SLCO1B1: variants seen among roughly 807,000 people sequenced by gnomAD.
SLCO1B1 encodes solute carrier organic anion transporter family member 1B1.
Under a neutral mutation model 70.1 loss-of-function variants are expected in SLCO1B1, and 81 were observed. The observed-to-expected ratio is 1.16, with a 90% CI of 0.97 to 1.39. SLCO1B1 has a LOEUF of 1.39. Among genes scored for constraint, SLCO1B1 ranks in the 40% most tolerant of loss-of-function variants. The pLI is 0.00. For missense variants in SLCO1B1, 895 were observed against 799.6 expected (o/e 1.12, Z -1.44); for synonymous variants, 283 against 271.5 (o/e 1.04, Z -0.42).
In SLCO1B1 at chr12:21,202,695, ATATCAC is replaced by A; in HGVS notation, c.1331+13_1331+18del. ...ACCATGACCTATGATGGGTTTGTAT[ATATCAC>A]TATATCAATTGCATAATATGTTAAC... On this transcript the variant is annotated intron_variant, in intron 10 of 14. Transcript: ENST00000256958. The A allele has an allele frequency of 6.3e-7, 1 of 1,586,502 alleles. No homozygotes were observed. Among genetic ancestry groups the A allele is most frequent in the Non-Finnish European group, 8.6e-7 (1 of 1,157,116 alleles).
At chr12:21,227,232 A>ATTCATTT (rs1468098881) in intron 14 of SLCO1B1, among the ~76,000 whole-genome samples, 2,505 of 152,232 alleles carry the variant, frequency 0.016, 66 homozygotes, top group African/African-American at 0.057. Flanking sequence ...AAATAGTTCT[A>ATTCATTT]CCTGCAGGAA....
At chr12:21,145,402 C>T (rs1940367361) in intron 2 of SLCO1B1, among the ~76,000 whole-genome samples, 1 of 150,756 alleles carries the variant, frequency 6.6e-6, no homozygotes, top group Admixed American at 6.7e-5. Flanking sequence ...ACCTCCCAGG[C>T]TCAAGTGATT....
At chr12:21,177,667 T>C (rs1940839225) in intron 5 of SLCO1B1, among the ~76,000 whole-genome samples, 1 of 152,114 alleles carries the variant, frequency 6.6e-6, no homozygotes, top group Non-Finnish European at 1.5e-5. Context: ...AGTCTGAAAT[T>C]CTGCTATTAT....
intron 14 of SLCO1B1, among the ~76,000 whole-genome samples, chr12:21,229,515 T>TG (rs1428499938): frequency 6.6e-6 from 1 of 152,206 alleles, no homozygotes; most frequent in African/African-American, 2.4e-5. Context: ...CTTAATCACA[T>TG]GCATTTAAAT....
chr12:21,196,458 G>A (rs1941092869), intron 7 of SLCO1B1, among the ~76,000 whole-genome samples: 1 of 152,124 alleles, frequency 6.6e-6, no homozygotes, highest in Admixed American at 6.6e-5. Flanking sequence ...CTTATCCTCT[G>A]TGCTGTCAGG....
intron 2 of SLCO1B1, among the ~76,000 whole-genome samples, chr12:21,163,921 G>C (rs538252893): frequency 1.4e-5 from 2 of 146,290 alleles, no homozygotes; most frequent in Admixed American, 7.1e-5. Flanking sequence ...AAAAAGAGAA[G>C]ACGGTATGAA....
chr12:21,214,197 G>A (rs1002075934), intron 11 of SLCO1B1, among the ~76,000 whole-genome samples: 2 of 152,194 alleles, frequency 1.3e-5, no homozygotes, highest in East Asian at 1.9e-4. Context: ...GTGGTTTTAT[G>A]TACTTTTGGT....
chr12:21,164,361 G>A (rs925647559), intron 2 of SLCO1B1, among the ~76,000 whole-genome samples: 7 of 151,966 alleles, frequency 4.6e-5, no homozygotes, highest in African/African-American at 1.7e-4. Context: ...ACAGTTATCC[G>A]AACTAGAAAA....
rs928408997 is a variant in SLCO1B1 at position 21,210,401 on chromosome 12, T to C, written c.1497+4368T>C. On this transcript the variant is annotated intron_variant, in intron 11 of 14. Coordinates refer to ENST00000256958, the MANE Select transcript of SLCO1B1 (RefSeq NM_006446.5). ...GCGGCATTATTTCTGAGGGCTCTGT[T>C]CTGTTCCATTGATCTATATCTCTGT... Among the ~76,000 whole-genome samples the C allele has an allele frequency of 6.6e-4, 78 of 117,866 alleles. 2 individuals are homozygous for C. The highest frequency in any genetic ancestry group is 2.5e-3 in the African/African-American group (74 of 29,506). The allele number at this position is 117,866 out of a possible 152,430, so 77.3% of individuals were successfully genotyped here. A position where few individuals can be genotyped will look rare whatever the true frequency, so the allele number is the denominator to read the frequency against.
intron 14 of SLCO1B1, among the ~76,000 whole-genome samples, chr12:21,235,894 A>G (rs1384790638): frequency 6.6e-6 from 1 of 152,016 alleles, no homozygotes; most frequent in African/African-American, 2.4e-5. Context: ...CTAGCTTGTA[A>G]TGTATCTGCT....
At chr12:21,144,236 T>A (rs1940352071) in intron 2 of SLCO1B1, among the ~76,000 whole-genome samples, 1 of 152,066 alleles carries the variant, frequency 6.6e-6, no homozygotes, top group Non-Finnish European at 1.5e-5. Context: ...AAAATTAACT[T>A]CTGAAATTAA....
chr12:21,198,864 A>G (rs796776247), intron 8 of SLCO1B1, among the ~76,000 whole-genome samples: 21 of 152,194 alleles, frequency 1.4e-4, no homozygotes, highest in African/African-American at 5.1e-4. Context: ...ACTATACAGA[A>G]GTTTACACTG....
chr12:21,154,291 A>T (rs1381117305), intron 2 of SLCO1B1, among the ~76,000 whole-genome samples: 7 of 152,042 alleles, frequency 4.6e-5, no homozygotes, highest in Non-Finnish European at 1.0e-4. Flanking sequence ...TCATGAAGGT[A>T]GAGTCCTCAT....
rs1297421854 is a variant in SLCO1B1 at position 21,239,498 on chromosome 12, C to G, written c.*309C>G. Among the ~76,000 whole-genome samples, 1 of 152,070 alleles carries G rather than the reference C, an allele frequency of 6.6e-6. No homozygotes were observed. On this transcript the variant is annotated 3_prime_UTR_variant, in exon 15 of 15. Transcript: ENST00000256958. ...AATACTTGTTCAGGTAATTCTAATT[C>G]TTAATAAAACAAATGAGTATCATAC...
intron 1 of SLCO1B1, among the ~76,000 whole-genome samples, chr12:21,132,923 A>C (rs1476614225): frequency 2.0e-5 from 3 of 151,982 alleles, no homozygotes; most frequent in Non-Finnish European, 2.9e-5. Context: ...TATGTCCTGA[A>C]TGGTATTGCC....
In SLCO1B1 at chr12:21,158,497, G is replaced by C. The variant is rs1027514435; in HGVS notation, c.85-14153G>C. 5.3e-5 allele frequency among the ~76,000 whole-genome samples: 8 copies of C among 152,144 alleles called. No individual in the cohort carries two copies. In the South Asian group the frequency reaches 1.2e-3, roughly 24 times the overall value. On this transcript the variant is annotated intron_variant, in intron 2 of 14. Coordinates refer to ENST00000256958, the MANE Select transcript of SLCO1B1 (RefSeq NM_006446.5). The stretch of plus-strand genomic sequence containing the variant: ...GATCACGAGCTCAGGAGTTCAAGAT[G>C]AGCCTGGCCAACATAGTGAAACCCC...
chr12:21,186,754 A>G (rs1407451315), intron 7 of SLCO1B1, among the ~76,000 whole-genome samples: 1 of 152,074 alleles, frequency 6.6e-6, no homozygotes, highest in Non-Finnish European at 1.5e-5. Flanking sequence ...TTAGTAATAT[A>G]CCGTCTTATC....
chr12:21,179,041 G>A (rs780456626), intron 7 of SLCO1B1, 21 bp downstream of exon 7: 5 of 1,468,074 alleles, frequency 3.4e-6, no homozygotes, highest in Non-Finnish European at 4.8e-6. Context: ...CCAGAACAAG[G>A]TACCATGATA....
intron 7 of SLCO1B1, among the ~76,000 whole-genome samples, chr12:21,182,862 G>C (rs984402715): frequency 6.6e-6 from 1 of 152,198 alleles, no homozygotes; most frequent in Non-Finnish European, 1.5e-5. Flanking sequence ...TCATGGGCCA[G>C]TGCAGAATGA....
Sources: allele counts gnomAD v4.1 joint callset (sites outside exome capture counted in the v4.1 genomes callset), GRCh38; gene constraint gnomAD v4.1.1; transcripts MANE v1.5; gene names NCBI Gene and HGNC (gene_info 2026-07-23, HGNC 2026-07-21).